RPS6KC1: variants seen among roughly 807,000 people sequenced by gnomAD.
The protein encoded by RPS6KC1 is ribosomal protein S6 kinase C1.
RPS6KC1 carries 54 observed loss-of-function variants against 103.8 expected under a neutral mutation model. The observed-to-expected ratio is 0.52, with a 90% CI of 0.42 to 0.65. The LOEUF (loss-of-function observed/expected upper bound fraction) is 0.65. Among genes scored for constraint, RPS6KC1 ranks in the 30% least tolerant of loss-of-function variants. The pLI is 0.00. For missense variants in RPS6KC1, 1,151 were observed against 1,253.8 expected, an observed-to-expected ratio of 0.92 and a Z score of 1.24; for synonymous variants, 439 against 438.7, an observed-to-expected ratio of 1.00 and a Z score of -0.01.
the RPS6KC1 span, among the ~76,000 whole-genome samples, chr1:213,502,502 T>G: frequency 6.6e-6 from 1 of 152,176 alleles, no homozygotes; most frequent in African/African-American, 2.4e-5. Context: ...AAACAGATTA[T>G]CACTTTTTAT....
chr1:213,388,583 C>T, the RPS6KC1 span, among the ~76,000 whole-genome samples: 1 of 152,204 alleles, frequency 6.6e-6, no homozygotes, highest in East Asian at 1.9e-4. Context: ...GTGAGGGATG[C>T]ACCAGGAACA....
chr1:213,115,588 T>C (rs1320882855), intron 4 of RPS6KC1, among the ~76,000 whole-genome samples: 1 of 152,166 alleles, frequency 6.6e-6, no homozygotes, highest in African/African-American at 2.4e-5. Context: ...TTTCTTGCCT[T>C]CTACTAGCTT....
chr1:213,576,913 G>T, the RPS6KC1 span, among the ~76,000 whole-genome samples: 1 of 152,216 alleles, frequency 6.6e-6, no homozygotes, highest in Non-Finnish European at 1.5e-5. Flanking sequence ...CAGTGAACAT[G>T]TCAATGATAA....
chr1:213,338,590 A>C, the RPS6KC1 span, among the ~76,000 whole-genome samples: 3 of 152,182 alleles, frequency 2.0e-5, no homozygotes, highest in South Asian at 2.1e-4. Flanking sequence ...CTTCTCCAAA[A>C]GAATAGATTG....
intron 14 of RPS6KC1, among the ~76,000 whole-genome samples, chr1:213,266,362 A>G (rs1012215308): frequency 2.0e-5 from 3 of 152,216 alleles, no homozygotes; most frequent in Non-Finnish European, 4.4e-5. Context: ...GGAATTTCCT[A>G]TATATTGGAC....
intron 3 of RPS6KC1, among the ~76,000 whole-genome samples, chr1:213,089,835 T>C (rs2080805084): frequency 6.6e-6 from 1 of 152,302 alleles, no homozygotes; most frequent in East Asian, 1.9e-4. Context: ...TTTATTTTGC[T>C]CAACTTATTT....
chr1:213,597,628 T>C, the RPS6KC1 span, among the ~76,000 whole-genome samples: 3 of 152,210 alleles, frequency 2.0e-5, no homozygotes, highest in Non-Finnish European at 4.4e-5. Flanking sequence ...AGAGGCTTCA[T>C]GACTAAGTCA....
At chr1:213,549,903 G>T in the RPS6KC1 span, among the ~76,000 whole-genome samples, 1 of 151,984 alleles carries the variant, frequency 6.6e-6, no homozygotes, top group Middle Eastern at 3.4e-3. Flanking sequence ...ACAGAAGCAA[G>T]CACCACACCC....
At chr1:213,113,981 A>G (rs1177063857) in intron 4 of RPS6KC1, among the ~76,000 whole-genome samples, 1 of 152,102 alleles carries the variant, frequency 6.6e-6, no homozygotes, top group East Asian at 1.9e-4. Flanking sequence ...TATAGTTTGA[A>G]GTCAGGTAGG....
At chr1:213,628,141 T>C in the RPS6KC1 span, among the ~76,000 whole-genome samples, 1 of 152,232 alleles carries the variant, frequency 6.6e-6, no homozygotes, top group Non-Finnish European at 1.5e-5. Context: ...CTTCCTGGTT[T>C]AGTCTTGGGA....
At chr1:213,797,229 AACT>A in the RPS6KC1 span, among the ~76,000 whole-genome samples, 11 of 152,352 alleles carry the variant, frequency 7.2e-5, no homozygotes, top group African/African-American at 2.6e-4. Flanking sequence ...ATTTACAACA[AACT>A]ACTCTCTTAT....
At chr1:213,396,000 G>A in the RPS6KC1 span, among the ~76,000 whole-genome samples, 1 of 152,224 alleles carries the variant, frequency 6.6e-6, no homozygotes, top group African/African-American at 2.4e-5. Flanking sequence ...TAGAGGGCAG[G>A]TAGATGTTTA....
At chr1:213,826,268 T>A in the RPS6KC1 span, among the ~76,000 whole-genome samples, 1 of 152,230 alleles carries the variant, frequency 6.6e-6, no homozygotes, top group Non-Finnish European at 1.5e-5. Context: ...CAAGTACAGA[T>A]GTCCAGGTAA....
chr1:213,054,853 A>G (rs2077209170), intron 1 of RPS6KC1, among the ~76,000 whole-genome samples: 1 of 152,200 alleles, frequency 6.6e-6, no homozygotes. Flanking sequence ...ATTCTTTCAT[A>G]AGTTCCCTTT....
At chr1:213,202,192 T>G (rs1170400525) in intron 8 of RPS6KC1, among the ~76,000 whole-genome samples, 2 of 152,214 alleles carry the variant, frequency 1.3e-5, no homozygotes, top group Non-Finnish European at 2.9e-5. Flanking sequence ...TGAATTTCTT[T>G]GATTATTATA....
the RPS6KC1 span, among the ~76,000 whole-genome samples, chr1:213,754,030 G>A: frequency 1.3e-5 from 2 of 151,968 alleles, no homozygotes; most frequent in African/African-American, 4.8e-5. Context: ...CTGGTCTCTG[G>A]GAGCTTTGAA....
chr1:213,703,532 T>G, the RPS6KC1 span, among the ~76,000 whole-genome samples: 1 of 152,340 alleles, frequency 6.6e-6, no homozygotes, highest in Non-Finnish European at 1.5e-5. Context: ...ATAGGACATG[T>G]CTGGTGTTGA....
chr1:213,410,457 G>A, the RPS6KC1 span, among the ~76,000 whole-genome samples: 1 of 152,180 alleles, frequency 6.6e-6, no homozygotes. Context: ...TTGGGGCTAA[G>A]ATCCAGTGAG....
At chr1:213,849,863 A>G in the RPS6KC1 span, among the ~76,000 whole-genome samples, 2 of 151,966 alleles carry the variant, frequency 1.3e-5, no homozygotes, top group African/African-American at 2.4e-5. Flanking sequence ...TTTAAATTAC[A>G]TTACTCTGGT....
Sources: allele counts gnomAD v4.1 joint callset (sites outside exome capture counted in the v4.1 genomes callset), GRCh38; gene constraint gnomAD v4.1.1; transcripts MANE v1.5; gene names NCBI Gene and HGNC (gene_info 2026-07-23, HGNC 2026-07-21).